The following CCDC91 variants were observed in gnomAD, a reference collection of about 807,000 sequenced individuals.
CCDC91 encodes the protein coiled-coil domain containing 91.
CCDC91 carries 48 observed loss-of-function variants against 63.2 expected under a neutral mutation model. The observed-to-expected ratio is 0.76, with a 90% CI of 0.60 to 0.97. The LOEUF (loss-of-function observed/expected upper bound fraction) is 0.97. CCDC91 is among the 50% of genes least tolerant of loss of function. The probability of loss-of-function intolerance (pLI) is 0.00; values close to 1 mark genes in which losing one functional copy is unlikely to be tolerated. For missense variants in CCDC91, 500 were observed against 494.6 expected, an observed-to-expected ratio of 1.01 and a Z score of -0.10; for synonymous variants, 167 against 165.8, an observed-to-expected ratio of 1.01 and a Z score of -0.06.
intron 12 of CCDC91, among the ~76,000 whole-genome samples, chr12:28,519,179 G>A (rs191544954): frequency 2.4e-4 from 37 of 152,080 alleles, no homozygotes; most frequent in South Asian, 1.7e-3. Context: ...CCATCCATGC[G>A]CATGGAATGT....
chr12:28,509,688 G>A (rs1761847196), intron 12 of CCDC91, among the ~76,000 whole-genome samples: 1 of 151,900 alleles, frequency 6.6e-6, no homozygotes, highest in Non-Finnish European at 1.5e-5. Flanking sequence ...AAAGATATGT[G>A]TGATAGCCAG....
chr12:28,525,131 C>G (rs948335342), intron 12 of CCDC91, among the ~76,000 whole-genome samples: 18 of 151,966 alleles, frequency 1.2e-4, no homozygotes, highest in Middle Eastern at 3.4e-3. Flanking sequence ...TATTTCCTTT[C>G]TTCTGCTGGG....
chr12:28,534,352 A>G (rs528547759), intron 12 of CCDC91, among the ~76,000 whole-genome samples: 1 of 152,282 alleles, frequency 6.6e-6, no homozygotes, highest in African/African-American at 2.4e-5. Context: ...CTTTTTTATG[A>G]ATAGTTATAT....
intron 7 of CCDC91, among the ~76,000 whole-genome samples, chr12:28,376,103 TGTCGA>T (rs1246375783): frequency 6.6e-6 from 1 of 151,866 alleles, no homozygotes; most frequent in Admixed American, 6.6e-5. Context: ...GCTAGACATT[TGTCGA>T]GTTTTTCTTT....
intron 1 of CCDC91, among the ~76,000 whole-genome samples, chr12:28,212,515 C>G (rs777746023): frequency 6.6e-6 from 1 of 152,140 alleles, no homozygotes; most frequent in Non-Finnish European, 1.5e-5. Context: ...CTTTTACAGG[C>G]GCATACCCCT....
intron 3 of CCDC91, among the ~76,000 whole-genome samples, chr12:28,276,510 G>C (rs1240385162): frequency 6.6e-6 from 1 of 151,866 alleles, no homozygotes; most frequent in African/African-American, 2.4e-5. Flanking sequence ...ACATTTTCCT[G>C]TTTCTATCAT....
intron 1 of CCDC91, among the ~76,000 whole-genome samples, chr12:28,195,349 A>G (rs1371185358): frequency 6.6e-6 from 1 of 150,866 alleles, no homozygotes; most frequent in African/African-American, 2.4e-5. Flanking sequence ...CTAGACACAG[A>G]CTCTGATTGG....
intron 12 of CCDC91, among the ~76,000 whole-genome samples, chr12:28,519,438 G>A (rs1348631191): frequency 6.6e-6 from 1 of 151,796 alleles, no homozygotes; most frequent in Non-Finnish European, 1.5e-5. Context: ...GTTGACTTTT[G>A]TCAGTTCTAG....
At chr12:28,458,304 A>G (rs371287374) in intron 11 of CCDC91, among the ~76,000 whole-genome samples, 31 of 151,792 alleles carry the variant, frequency 2.0e-4, no homozygotes, top group African/African-American at 7.2e-4. Flanking sequence ...GAGAAATTAT[A>G]CCTTTTCATC....
intron 7 of CCDC91, among the ~76,000 whole-genome samples, chr12:28,371,897 A>C (rs1944646619): frequency 6.6e-6 from 1 of 152,192 alleles, no homozygotes; most frequent in African/African-American, 2.4e-5. Context: ...TCAAATTACT[A>C]TCTGGAGCTG....
At chr12:28,515,223 C>T (rs190278348) in intron 12 of CCDC91, among the ~76,000 whole-genome samples, 1 of 151,820 alleles carries the variant, frequency 6.6e-6, no homozygotes, top group Admixed American at 6.6e-5. Context: ...TGGGGGACTT[C>T]GGCAGGGAAA....
intron 12 of CCDC91, among the ~76,000 whole-genome samples, chr12:28,499,642 G>C (rs1245268041): frequency 6.6e-6 from 1 of 151,692 alleles, no homozygotes; most frequent in South Asian, 2.1e-4. Flanking sequence ...ATGGTTTCCA[G>C]CTTCATCCAT....
chr12:28,375,130 G>GT lies in CCDC91; in HGVS notation c.654+12626dup, dbSNP rs140076552. On this transcript the variant is annotated intron_variant, in intron 7 of 12. Coordinates refer to ENST00000536442, the MANE Select transcript of CCDC91 (RefSeq NM_018318.5). Reference sequence around the variant, plus strand: ...TTTACTAATATTTTGACCTTGGGCAGTTTTTTTTTTTAAACTATTTTAGTT... The same window carrying GT: ...TTTACTAATATTTTGACCTTGGGCAGTTTTTTTTTTTTAAACTATTTTAGTT... 1.4e-3 allele frequency among the ~76,000 whole-genome samples: 208 copies of GT among 147,826 alleles called. 1 individual carries two copies. Among genetic ancestry groups the GT allele is most frequent in the African/African-American group, 3.6e-3 (146 of 40,268 alleles).
At chr12:28,503,276 A>T (rs1592874589) in intron 12 of CCDC91, among the ~76,000 whole-genome samples, 1 of 152,346 alleles carries the variant, frequency 6.6e-6, no homozygotes, top group Non-Finnish European at 1.5e-5. Context: ...TGGGCGAAGG[A>T]CATGAACAGT....
chr12:28,328,673 C>G (rs909733265), intron 6 of CCDC91, among the ~76,000 whole-genome samples: 1 of 152,174 alleles, frequency 6.6e-6, no homozygotes, highest in Non-Finnish European at 1.5e-5. Context: ...AAACTTTCCT[C>G]TGTCCATAAT....
intron 3 of CCDC91, among the ~76,000 whole-genome samples, chr12:28,287,563 C>A (rs1948989916): frequency 6.6e-6 from 1 of 152,110 alleles, no homozygotes; most frequent in Non-Finnish European, 1.5e-5. Flanking sequence ...TTCCATCAGT[C>A]TGTGGATCTG....
chr12:28,190,842 G>A (rs1025499277), intron 1 of CCDC91: 4 of 152,264 alleles, frequency 2.6e-5, no homozygotes, highest in Admixed American at 2.6e-4. Context: ...GCCAGCTCCC[G>A]GGGGTGGGAG....
At chr12:28,276,238 A>G (rs1216736906) in intron 3 of CCDC91, among the ~76,000 whole-genome samples, 2 of 152,144 alleles carry the variant, frequency 1.3e-5, no homozygotes, top group African/African-American at 4.8e-5. Flanking sequence ...ATCATGTAAT[A>G]TATATGATTT....
intron 12 of CCDC91, among the ~76,000 whole-genome samples, chr12:28,501,490 T>C (rs548573259): frequency 3.3e-5 from 5 of 152,042 alleles, no homozygotes; most frequent in Admixed American, 1.3e-4. Context: ...TTTGGTTCTG[T>C]TTAAATGCTG....
Sources: allele counts gnomAD v4.1 joint callset (sites outside exome capture counted in the v4.1 genomes callset), GRCh38; gene constraint gnomAD v4.1.1; transcripts MANE v1.5; gene names NCBI Gene and HGNC (gene_info 2026-07-23, HGNC 2026-07-21).